The following MAPK10 variants were observed in gnomAD, a reference collection of about 807,000 sequenced individuals.
MAPK10 encodes the protein JNK3 alpha protein kinase.
Under a neutral mutation model 59.3 loss-of-function variants are expected in MAPK10, and 25 were observed. The ratio of observed to expected loss-of-function variants is 0.42; its 90% CI spans 0.31 to 0.59. The LOEUF (loss-of-function observed/expected upper bound fraction) is 0.59. MAPK10 is among the 20% of genes least tolerant of loss of function. The pLI is 0.15. For missense variants in MAPK10, 351 were observed against 568.9 expected (o/e 0.62, Z 3.90); for synonymous variants, 190 against 200.5 (o/e 0.95, Z 0.44).
upstream of MAPK10, among the ~76,000 whole-genome samples, chr4:86,362,564 A>C (rs1737183301): frequency 6.6e-6 from 1 of 152,156 alleles, no homozygotes; most frequent in Non-Finnish European, 1.5e-5. Flanking sequence ...CACAAATCCT[A>C]GATTATAGAA....
chr4:86,455,377 GAC>G (rs1274273692), upstream of MAPK10, among the ~76,000 whole-genome samples: 1 of 151,874 alleles, frequency 6.6e-6, no homozygotes, highest in Non-Finnish European at 1.5e-5. Context: ...GCCAACTAGA[GAC>G]ACACCTTCAA....
intron 3 of MAPK10, among the ~76,000 whole-genome samples, chr4:86,177,996 A>G (rs1007572025): frequency 9.2e-5 from 14 of 152,108 alleles, no homozygotes; most frequent in African/African-American, 3.1e-4. Flanking sequence ...CTTGGCTATT[A>G]TATCTTACAA....
chr4:86,144,826 T>C (rs996193664), intron 4 of MAPK10, among the ~76,000 whole-genome samples: 1 of 152,140 alleles, frequency 6.6e-6, no homozygotes, highest in Non-Finnish European at 1.5e-5. Context: ...ATCCAGAAAC[T>C]CCATGTTTGC....
chr4:86,351,723 G>A (rs1280102715), intron 2 of MAPK10, among the ~76,000 whole-genome samples: 1 of 151,576 alleles, frequency 6.6e-6, no homozygotes, highest in Non-Finnish European at 1.5e-5. Flanking sequence ...CCTTAACTAT[G>A]TGATTGTCAG....
At chr4:86,330,950 T>C (rs1184184610) in intron 2 of MAPK10, among the ~76,000 whole-genome samples, 1 of 152,220 alleles carries the variant, frequency 6.6e-6, no homozygotes, top group Non-Finnish European at 1.5e-5. Context: ...CTTTATCCTT[T>C]TCATCCTCAT....
intron 1 of MAPK10, among the ~76,000 whole-genome samples, chr4:86,467,893 T>C (rs1229906251): frequency 6.6e-6 from 1 of 151,680 alleles, no homozygotes; most frequent in East Asian, 1.9e-4. Flanking sequence ...AAACCAAGAG[T>C]CCCCATATAA....
intron 1 of MAPK10, among the ~76,000 whole-genome samples, chr4:86,522,635 T>C (rs1455531939): frequency 6.6e-6 from 1 of 152,310 alleles, no homozygotes; most frequent in South Asian, 2.1e-4. Context: ...TTGGTTCTGG[T>C]TCTTTTTGTT....
intron 2 of MAPK10, among the ~76,000 whole-genome samples, chr4:86,291,405 C>A (rs2095223334): frequency 6.6e-6 from 1 of 152,146 alleles, no homozygotes; most frequent in Non-Finnish European, 1.5e-5. Flanking sequence ...CATCAGCCTA[C>A]CCTAAGGCAA....
intron 9 of MAPK10, among the ~76,000 whole-genome samples, chr4:86,094,198 A>G (rs969490052): frequency 5.3e-5 from 8 of 151,998 alleles, no homozygotes; most frequent in African/African-American, 1.9e-4. Context: ...TTCATATTCA[A>G]ACTTTAAAAA....
intron 1 of MAPK10, among the ~76,000 whole-genome samples, chr4:86,522,623 C>T (rs903193034): frequency 1.3e-5 from 2 of 152,146 alleles, no homozygotes; most frequent in South Asian, 2.1e-4. Flanking sequence ...GCTCTTATTT[C>T]GTTGGTTCTG....
chr4:86,243,604 C>T (rs1213017127), intron 2 of MAPK10, among the ~76,000 whole-genome samples: 1 of 152,130 alleles, frequency 6.6e-6, no homozygotes, highest in Non-Finnish European at 1.5e-5. Flanking sequence ...TGAACATGCC[C>T]TTTCCTCAGC....
chr4:86,501,919 C>A (rs1308509871), intron 1 of MAPK10, among the ~76,000 whole-genome samples: 1 of 151,790 alleles, frequency 6.6e-6, no homozygotes, highest in East Asian at 1.9e-4. Flanking sequence ...ATAATTGTCC[C>A]AAAAAAGCAC....
At position 86,494,842 on chromosome 4, in the gene MAPK10, C is replaced by CAAAAAAAAA. The variant is rs567947232; in HGVS notation, c.-263+99059_-263+99067dup. On this transcript the variant is annotated intron_variant, in intron 1 of 4. Coordinates refer to the MAPK10 transcript ENST00000502302. ...TGGGCGACAGAGAGAGACTCCGTCT[C>CAAAAAAAAA]AAAAAAAAAAAAAAAAAAAAAAAAA... Among the ~76,000 whole-genome samples, 7 of 23,988 alleles carry CAAAAAAAAA rather than the reference C, an allele frequency of 2.9e-4. 1 individual carries two copies. The highest frequency in any genetic ancestry group is 1.4e-3 in the African/African-American group (6 of 4,210). 15.7% of individuals were successfully genotyped at this position (23,988 alleles called of 152,430 possible). A position where few individuals can be genotyped will look rare whatever the true frequency, so the allele number is the denominator to read the frequency against.
At chr4:86,239,173 A>G (rs2092523085) in intron 2 of MAPK10, among the ~76,000 whole-genome samples, 1 of 152,244 alleles carries the variant, frequency 6.6e-6, no homozygotes, top group Admixed American at 6.5e-5. Context: ...ATGTTGAACC[A>G]GCCTTGCATC....
intron 9 of MAPK10, among the ~76,000 whole-genome samples, chr4:86,094,461 A>T (rs1316391494): frequency 6.6e-6 from 1 of 151,988 alleles, no homozygotes; most frequent in Non-Finnish European, 1.5e-5. Flanking sequence ...CCTGTCTTTA[A>T]CTTTATATCC....
chr4:86,399,420 C>T (rs1055399990), intron 1 of MAPK10, among the ~76,000 whole-genome samples: 8 of 152,106 alleles, frequency 5.3e-5, no homozygotes, highest in Non-Finnish European at 1.2e-4. Flanking sequence ...AAAGTAACTG[C>T]TTATGTCTTT....
At chr4:86,060,409 T>TA (rs1209259222) in intron 11 of MAPK10, among the ~76,000 whole-genome samples, 2 of 151,856 alleles carry the variant, frequency 1.3e-5, no homozygotes, top group Non-Finnish European at 2.9e-5. Context: ...TAAAGCTATT[T>TA]AAAAAAAATA....
intron 4 of MAPK10, among the ~76,000 whole-genome samples, chr4:86,112,773 A>G (rs1350543258): frequency 6.6e-6 from 1 of 151,962 alleles, no homozygotes; most frequent in East Asian, 1.9e-4. Context: ...ATCTTTGTTA[A>G]TTTTTTGTCT....
intron 4 of MAPK10, among the ~76,000 whole-genome samples, chr4:86,150,103 T>C (rs2066038848): frequency 6.6e-6 from 1 of 152,200 alleles, no homozygotes; most frequent in Non-Finnish European, 1.5e-5. Context: ...ATATACACCA[T>C]GGAATACCAC....
Sources: gnomAD v4.1 joint callset for allele counts (sites outside exome capture counted in the v4.1 genomes callset) on GRCh38, gnomAD v4.1.1 for gene constraint, MANE v1.5 for transcripts, NCBI Gene and HGNC (gene_info 2026-07-23, HGNC 2026-07-21) for gene names.